WHRN: variants seen among roughly 807,000 people sequenced by gnomAD.
WHRN encodes the protein CASK-interacting protein CIP98.
In WHRN, 41 loss-of-function variants were observed where a neutral mutation model predicts 68.3. The observed-to-expected ratio is 0.60, with a 90% CI of 0.47 to 0.78. WHRN has a LOEUF of 0.78. Among genes scored for constraint, WHRN ranks in the 30% least tolerant of loss-of-function variants. The probability of loss-of-function intolerance (pLI) is 0.00; values close to 1 mark genes in which losing one functional copy is unlikely to be tolerated. For synonymous variants in WHRN, 560 were observed against 561.3 expected, an observed-to-expected ratio of 1.00 and a Z score of 0.03; for missense variants, 1,243 against 1,244.7, an observed-to-expected ratio of 1.00 and a Z score of 0.02.
intron 1 of WHRN, among the ~76,000 whole-genome samples, chr9:114,486,262 C>T (rs147607687): frequency 3.9e-4 from 60 of 152,236 alleles, no homozygotes; most frequent in African/African-American, 1.3e-3. Flanking sequence ...CTCGTATCTG[C>T]GCTGCCTTCA....
rs548083497 is a variant in WHRN, at chr9:114,489,636, A to C, written c.619-10865T>G. 1.2e-4 allele frequency among the ~76,000 whole-genome samples: 19 copies of C among 152,330 alleles called. No homozygotes were observed. In the East Asian group the frequency reaches 3.1e-3, roughly 25 times the overall value. On this transcript the variant is annotated intron_variant, in intron 1 of 11. Transcript: ENST00000362057. ...GACTTAAGTAAGAATCTTAATTATA[A>C]ATGTATTAGTAAATAAGCAAATGAG...
At chr9:114,412,406 GC>G (rs942599528) in intron 7 of WHRN, among the ~76,000 whole-genome samples, 16 of 152,322 alleles carry the variant, frequency 1.1e-4, no homozygotes, top group African/African-American at 3.6e-4. Context: ...TGAGGCCAGA[GC>G]CTCAGTGAGG....
intron 2 of WHRN, among the ~76,000 whole-genome samples, chr9:114,477,250 AAG>A (rs1428928676): frequency 6.6e-6 from 1 of 152,238 alleles, no homozygotes; most frequent in African/African-American, 2.4e-5. Context: ...AGAGCTGAGA[AAG>A]AGTTTCCAGA....
rs558011336 is a variant in WHRN at position 114,426,127 on chromosome 9, C to A, written c.1166+84G>T. On this transcript the variant is annotated intron_variant, in intron 4 of 11. Transcript: ENST00000362057. The stretch of plus-strand genomic sequence containing the variant: ...CTGCAGGCTGAGAGGAGAGCCAGGG[C>A]GGTGGAGGGATGGGAGGCAGCTATC... The A allele has an allele frequency of 1.1e-4, 180 of 1,571,718 alleles. 1 individual carries two copies. The highest frequency in any genetic ancestry group is 2.3e-4 in the Middle Eastern group (1 of 4,392).
intron 3 of WHRN, among the ~76,000 whole-genome samples, chr9:114,453,120 A>G (rs1221651508): frequency 6.6e-6 from 1 of 152,234 alleles, no homozygotes; most frequent in Non-Finnish European, 1.5e-5. Flanking sequence ...ATCTTGGCTC[A>G]TGGTCCTGCA....
chr9:114,417,415 G>A (rs143162190), intron 7 of WHRN, among the ~76,000 whole-genome samples: 1 of 152,360 alleles, frequency 6.6e-6, no homozygotes, highest in African/African-American at 2.4e-5. Flanking sequence ...GGAGGCGAAT[G>A]TTTAGAAGGC....
intron 3 of WHRN, among the ~76,000 whole-genome samples, chr9:114,453,044 T>C (rs1408962771): frequency 1.3e-5 from 2 of 152,218 alleles, no homozygotes; most frequent in Non-Finnish European, 2.9e-5. Flanking sequence ...GTGTGGTTAC[T>C]GTGTTTGTTT....
At position 114,504,720 on chromosome 9, in the gene WHRN, C is replaced by CGCCGCCGCCCGCCCCG; in HGVS notation, c.66_81dup (p.Gly28ArgfsTer156). ...GACAGTAACCGCAGCCCCGCGCCCCCGCCGCCGCCCGCCCCGGCCGCCGAG... is the reference window on the plus strand; with the variant it reads ...GACAGTAACCGCAGCCCCGCGCCCCCGCCGCCGCCCGCCCCGGCCGCCGCCCGCCCCGGCCGCCGAG... On this transcript the variant is annotated frameshift_variant, in exon 1 of 12. Transcript: ENST00000362057. LOFTEE classifies it high-confidence loss of function. 6.6e-7 allele frequency: 1 copy of CGCCGCCGCCCGCCCCG among 1,507,054 alleles called. No individual in the cohort carries two copies. The highest frequency in any genetic ancestry group is 8.8e-7 in the Non-Finnish European group (1 of 1,136,160). 93.4% of individuals were successfully genotyped at this position (1,507,054 alleles called of 1,614,324 possible).
At chr9:114,497,752 G>A (rs1423567481) in intron 1 of WHRN, among the ~76,000 whole-genome samples, 1 of 152,180 alleles carries the variant, frequency 6.6e-6, no homozygotes, top group Non-Finnish European at 1.5e-5. Context: ...GGCTTCAGGG[G>A]AGGAGAAAAG....
chr9:114,504,804 C>G lies in WHRN; in HGVS notation c.-3G>C. On this transcript the variant is annotated 5_prime_UTR_variant, in exon 1 of 12. Coordinates refer to ENST00000362057, the MANE Select transcript of WHRN (RefSeq NM_015404.4). ...AGGCCGTCCAGCGGCGCGTTCATCT[C>G]CACGCCGAGGCCCGGCCGGGCTCTG... 1 of 1,421,276 alleles carries G rather than the reference C, an allele frequency of 7.0e-7. No individual in the cohort carries two copies. Among genetic ancestry groups the G allele is most frequent in the Non-Finnish European group, 9.1e-7 (1 of 1,101,290 alleles). 88.0% of individuals were successfully genotyped at this position (1,421,276 alleles called of 1,614,324 possible).
intron 2 of WHRN, among the ~76,000 whole-genome samples, chr9:114,469,310 G>A (rs754146062): frequency 1.8e-4 from 27 of 152,178 alleles, no homozygotes; most frequent in Non-Finnish European, 3.2e-4. Context: ...CCATCTACAG[G>A]CTTTCGAGCC....
intron 3 of WHRN, among the ~76,000 whole-genome samples, chr9:114,427,339 A>G: frequency 6.6e-6 from 1 of 152,222 alleles, no homozygotes; most frequent in East Asian, 1.9e-4. Context: ...CAAATATGTG[A>G]CAGAAATAGA....
intron 7 of WHRN, among the ~76,000 whole-genome samples, chr9:114,413,807 T>C (rs1835626560): frequency 1.3e-5 from 2 of 152,214 alleles, no homozygotes; most frequent in African/African-American, 2.4e-5. Flanking sequence ...GGGAAGCTTC[T>C]GCATGAAGCC....
chr9:114,449,811 C>A (rs1002681295), intron 3 of WHRN, among the ~76,000 whole-genome samples: 1 of 152,204 alleles, frequency 6.6e-6, no homozygotes, highest in South Asian at 2.1e-4. Flanking sequence ...ACAAGCCAAT[C>A]GCTTAGACAA....
chr9:114,504,594 T>C lies in WHRN; in HGVS notation c.208A>G (p.Asn70Asp). The C allele has an allele frequency of 6.2e-7, 1 of 1,611,436 alleles. No homozygotes were observed. Among genetic ancestry groups the C allele is most frequent in the Non-Finnish European group, 8.5e-7 (1 of 1,179,568 alleles). ...HCLNAYHARR[N>D]VFDLVRTLRV... ...AGGGTGCGCACCAGGTCGAAGACGT[T>C]GCGGCGCGCGTGGTAAGCGTTCAGG... The change falls in exon 1 of 12, where the codon AAC becomes GAC. Residue 70 changes from asparagine (N) to aspartate (D), a missense_variant. Asn to Asp is a conservative substitution (Grantham distance 23). Transcript: ENST00000362057.
intron 9 of WHRN, 64 bp downstream of exon 9, chr9:114,406,291 G>A: frequency 6.2e-7 from 1 of 1,606,144 alleles, no homozygotes; most frequent in Non-Finnish European, 8.5e-7. Flanking sequence ...GTGTCATCAG[G>A]TAGACTGACC....
intron 7 of WHRN, among the ~76,000 whole-genome samples, chr9:114,411,723 G>A (rs2132250353): frequency 6.6e-6 from 1 of 152,292 alleles, no homozygotes; most frequent in South Asian, 2.1e-4. Flanking sequence ...TCCTCCCAAT[G>A]ACCCTGTGAG....
At chr9:114,499,018 G>A (rs993337920) in intron 1 of WHRN, among the ~76,000 whole-genome samples, 1 of 152,186 alleles carries the variant, frequency 6.6e-6, no homozygotes, top group Non-Finnish European at 1.5e-5. Flanking sequence ...TGTCAATGTA[G>A]GTTCATCAAT....
chr9:114,487,994 C>T (rs1842681784), intron 1 of WHRN, among the ~76,000 whole-genome samples: 1 of 152,216 alleles, frequency 6.6e-6, no homozygotes, highest in Non-Finnish European at 1.5e-5. Context: ...AAATCTTGGG[C>T]CCTAAAGCAC....
Sources: allele counts gnomAD v4.1 joint callset (sites outside exome capture counted in the v4.1 genomes callset), GRCh38; gene constraint gnomAD v4.1.1; transcripts MANE v1.5; gene names NCBI Gene and HGNC (gene_info 2026-07-23, HGNC 2026-07-21).